Variants in JADE3 observed in about 807,000 individuals in gnomAD.
JADE3 encodes protein Jade-3.
JADE3 carries 2 observed loss-of-function variants against 50.1 expected under a neutral mutation model. That is an observed-to-expected ratio of 0.04 (90% CI 0.02 to 0.13). JADE3 has a LOEUF of 0.13. Ranked by LOEUF, JADE3 falls within the 10% of genes least tolerant of loss-of-function variation. The pLI is 1.00. For missense variants in JADE3, 475 were observed against 634.4 expected (o/e 0.75, Z 2.70); for synonymous variants, 218 against 232.9 (o/e 0.94, Z 0.58).
intron 1 of JADE3, among the ~76,000 whole-genome samples, chrX:46,920,844 A>G (rs1926206015): frequency 8.9e-6 from 1 of 112,322 alleles, no homozygotes; most frequent in Non-Finnish European, 1.9e-5. Flanking sequence ...CCATTAACAC[A>G]CAGTCTTGAT....
At chrX:47,037,214 A>G (rs1929153632) in intron 7 of JADE3, among the ~76,000 whole-genome samples, 1 of 110,996 alleles carries the variant, frequency 9.0e-6, no homozygotes, top group Non-Finnish European at 1.9e-5. Context: ...GGGTAAGCTC[A>G]TGATAGTTAT....
intron 3 of JADE3, among the ~76,000 whole-genome samples, chrX:46,995,997 G>A (rs1466678733): frequency 8.9e-6 from 1 of 112,563 alleles, no homozygotes; most frequent in Non-Finnish European, 1.9e-5. Flanking sequence ...GTATGAATTG[G>A]TTGGTGGTTT....
intron 8 of JADE3, among the ~76,000 whole-genome samples, chrX:47,045,549 A>G (rs989418379): frequency 1.8e-5 from 2 of 112,855 alleles, no homozygotes; most frequent in African/African-American, 3.2e-5. Context: ...AAATCAACCA[A>G]GTAGATATTT....
chrX:46,912,547 G>C lies in JADE3; in HGVS notation c.-184G>C, dbSNP rs1247351246. On this transcript the variant is annotated 5_prime_UTR_variant, in exon 1 of 11. Coordinates refer to ENST00000614628, the MANE Select transcript of JADE3 (RefSeq NM_014735.5). ...CGAGGGCGGGAGCTGAGGCGCGGGG[G>C]GCGGCCCCGGCGGGGGGCGGGGGCG... is the stretch of plus-strand genomic sequence containing the variant. 9.0e-6 allele frequency: 1 copy of C among 111,665 alleles called. No individual in the cohort carries two copies. Among genetic ancestry groups the C allele is most frequent in the Admixed American group, 9.3e-5 (1 of 10,740 alleles). The allele number at this position is 111,665 out of a possible 1,213,427, so 9.2% of individuals were successfully genotyped here.
chrX:46,925,829 A>G (rs1217073947), intron 1 of JADE3, among the ~76,000 whole-genome samples: 7 of 107,148 alleles, frequency 6.5e-5, no homozygotes, highest in Non-Finnish European at 1.2e-4. Context: ...GTCTAAAAAA[A>G]AAAAAAAAAA....
chrX:46,943,578 G>T (rs142899875), intron 1 of JADE3, among the ~76,000 whole-genome samples: 1,849 of 112,034 alleles, frequency 0.017, 36 homozygotes, highest in African/African-American at 0.057. Context: ...CTTGATCATG[G>T]TGAATTAACT....
intron 1 of JADE3, among the ~76,000 whole-genome samples, chrX:46,923,521 C>T (rs1012386091): frequency 3.9e-5 from 4 of 103,460 alleles, no homozygotes; most frequent in Non-Finnish European, 7.9e-5. Context: ...AAGCAGTCCT[C>T]CAACCTCAGC....
In JADE3 at chrX:47,058,243, C is replaced by G. The variant is rs1556373787; in HGVS notation, c.1638C>G (p.Pro546=). 3 of 1,210,176 alleles carry G rather than the reference C, an allele frequency of 2.5e-6. No individual in the cohort carries two copies. In the Admixed American group the frequency reaches 6.5e-5, roughly 26 times the overall value. ...GAATTACCTTGAAGTTAAAAATGCC[C>G]AAATCAACCCCAGAAGACCACAGAA... ...PPRITLKLKM[P]KSTPEDHRNS... Residue 546 remains proline, a synonymous_variant, in exon 11 of 11, where the codon CCC becomes CCG. Coordinates refer to ENST00000614628, the MANE Select transcript of JADE3 (RefSeq NM_014735.5).
intron 7 of JADE3, among the ~76,000 whole-genome samples, chrX:47,034,031 C>T (rs1446908031): frequency 3.6e-5 from 4 of 110,676 alleles, no homozygotes; most frequent in East Asian, 5.6e-4. Flanking sequence ...AATATATACA[C>T]GATATTTGGG....
intron 4 of JADE3, among the ~76,000 whole-genome samples, chrX:47,000,573 G>A (rs782609322): frequency 3.6e-5 from 4 of 111,516 alleles, no homozygotes; most frequent in Non-Finnish European, 7.5e-5. Flanking sequence ...AATTTTTTGA[G>A]ATAGGGTCTC....
At chrX:46,951,164 C>T (rs1367370747) in intron 1 of JADE3, among the ~76,000 whole-genome samples, 1 of 106,960 alleles carries the variant, frequency 9.3e-6, no homozygotes, top group Non-Finnish European at 1.9e-5. Flanking sequence ...CTGCAACCTC[C>T]GCCTCCCGGG....
intron 8 of JADE3, among the ~76,000 whole-genome samples, chrX:47,042,613 T>A (rs1052728864): frequency 5.4e-5 from 6 of 112,145 alleles, no homozygotes; most frequent in Non-Finnish European, 1.1e-4. Context: ...GAGACTCCTC[T>A]GCATGAGGAA....
chrX:47,015,117 CAT>C (rs1304669540), intron 4 of JADE3, among the ~76,000 whole-genome samples: 1 of 112,246 alleles, frequency 8.9e-6, no homozygotes, highest in Admixed American at 9.4e-5. Flanking sequence ...TTCACAATAA[CAT>C]GTGGAAAGTA....
At chrX:47,051,237 T>G (rs1929496922) in intron 8 of JADE3, among the ~76,000 whole-genome samples, 1 of 112,038 alleles carries the variant, frequency 8.9e-6, no homozygotes, top group Admixed American at 9.5e-5. Flanking sequence ...TCCCTGGAAT[T>G]CTTTATCATA....
At chrX:46,951,065 T>TA (rs1164010838) in intron 1 of JADE3, among the ~76,000 whole-genome samples, 1 of 109,131 alleles carries the variant, frequency 9.2e-6, no homozygotes, top group Admixed American at 9.7e-5. Flanking sequence ...AACTTTTTTT[T>TA]ATTTTTATTT....
Position 47,041,526 on chromosome X carries a change from C to T in JADE3, c.972+2461C>T, listed in dbSNP as rs146432119. Among the ~76,000 whole-genome samples the T allele has an allele frequency of 4.6e-3, 507 of 109,840 alleles. 2 individuals carry two copies. Among genetic ancestry groups the T allele is most frequent in the African/African-American group, 0.016 (482 of 30,173 alleles). ...CCGAGTAGCTGATACCACAGGTACA[C>T]GCCACTACACCTGGCTCATTTAAAA... On this transcript the variant is annotated intron_variant, in intron 8 of 10. Coordinates refer to ENST00000614628, the MANE Select transcript of JADE3 (RefSeq NM_014735.5).
intron 1 of JADE3, among the ~76,000 whole-genome samples, chrX:46,980,813 ATCTCT>A (rs1927731631): frequency 4.5e-5 from 5 of 111,424 alleles, no homozygotes; most frequent in African/African-American, 1.6e-4. Flanking sequence ...CCGTGTCCTA[ATCTCT>A]GCAACCTATG....
chrX:47,042,457 T>C (rs1929282756), intron 8 of JADE3, among the ~76,000 whole-genome samples: 1 of 111,572 alleles, frequency 9.0e-6, no homozygotes, highest in African/African-American at 3.3e-5. Flanking sequence ...GGATGAACAG[T>C]TTGAGAGATG....
intron 4 of JADE3, among the ~76,000 whole-genome samples, chrX:47,019,478 G>A (rs1928747223): frequency 1.8e-5 from 2 of 111,526 alleles, no homozygotes; most frequent in Non-Finnish European, 3.8e-5. Flanking sequence ...TCAAATTCCT[G>A]GGCTCAAGTG....
Sources: allele counts gnomAD v4.1 joint callset (sites outside exome capture counted in the v4.1 genomes callset), GRCh38; gene constraint gnomAD v4.1.1; transcripts MANE v1.5; gene names NCBI Gene and HGNC (gene_info 2026-07-23, HGNC 2026-07-21).